Variants in RPH3A observed in about 807,000 individuals in gnomAD.
The protein encoded by RPH3A is rabphilin 3A, also known as rabphilin-3A.
A neutral mutation model predicts 102.2 loss-of-function variants in RPH3A; 48 were observed. That is an observed-to-expected ratio of 0.47 (90% CI 0.37 to 0.60). The LOEUF (loss-of-function observed/expected upper bound fraction) is 0.60. Among genes scored for constraint, RPH3A ranks in the 20% least tolerant of loss-of-function variants. RPH3A has a pLI of 0.00. For missense variants in RPH3A, 781 were observed against 910.1 expected, an observed-to-expected ratio of 0.86 and a Z score of 1.83; for synonymous variants, 310 against 324.3, an observed-to-expected ratio of 0.96 and a Z score of 0.47.
chr12:112,611,772 T>C (rs2039640744), intron 1 of RPH3A, among the ~76,000 whole-genome samples: 1 of 151,806 alleles, frequency 6.6e-6, no homozygotes, highest in Non-Finnish European at 1.5e-5. Flanking sequence ...TTTACTTCAA[T>C]ATTTAATTCT....
At chr12:112,575,825 A>G (rs375184918) in intron 1 of RPH3A, among the ~76,000 whole-genome samples, 2 of 152,012 alleles carry the variant, frequency 1.3e-5, no homozygotes, top group East Asian at 1.9e-4. Context: ...TCTGATTTTT[A>G]CCCGCATCCT....
intron 1 of RPH3A, among the ~76,000 whole-genome samples, chr12:112,616,233 G>T (rs970295507): frequency 6.6e-6 from 1 of 152,054 alleles, no homozygotes; most frequent in Non-Finnish European, 1.5e-5. Context: ...TGCAACCTCC[G>T]CCTCCCGGGT....
intron 1 of RPH3A, among the ~76,000 whole-genome samples, chr12:112,775,211 A>G (rs541143168): frequency 6.6e-6 from 1 of 152,340 alleles, no homozygotes; most frequent in South Asian, 2.1e-4. Context: ...CCCCAGAACT[A>G]AAAACAAAAA....
At chr12:112,793,714 A>G (rs1404450270) in intron 2 of RPH3A, among the ~76,000 whole-genome samples, 1 of 152,256 alleles carries the variant, frequency 6.6e-6, no homozygotes, top group Admixed American at 6.5e-5. Context: ...GTTCAAAAAA[A>G]GAACCACATA....
At chr12:112,672,964 C>A (rs1043626999) in intron 1 of RPH3A, among the ~76,000 whole-genome samples, 2 of 152,048 alleles carry the variant, frequency 1.3e-5, no homozygotes, top group African/African-American at 4.8e-5. Context: ...GAGTTAATAA[C>A]CAACTTACCT....
intron 1 of RPH3A, among the ~76,000 whole-genome samples, chr12:112,716,525 G>A (rs1424462672): frequency 1.3e-5 from 2 of 152,132 alleles, no homozygotes; most frequent in Admixed American, 6.5e-5. Context: ...TTCACGTATC[G>A]CTTCTGTCTC....
chr12:112,759,793 C>T (rs950421433), intron 1 of RPH3A, among the ~76,000 whole-genome samples: 1 of 152,186 alleles, frequency 6.6e-6, no homozygotes, highest in Non-Finnish European at 1.5e-5. Context: ...ACAGCCACCA[C>T]TACATCTCTT....
At chr12:112,858,017 C>T (rs1474073433) in intron 5 of RPH3A, among the ~76,000 whole-genome samples, 1 of 152,002 alleles carries the variant, frequency 6.6e-6, no homozygotes, top group East Asian at 1.9e-4. Flanking sequence ...ACCTGTAATC[C>T]CAGCACTTTG....
At chr12:112,577,870 GCT>G (rs1017591439) in intron 1 of RPH3A, among the ~76,000 whole-genome samples, 5 of 152,050 alleles carry the variant, frequency 3.3e-5, no homozygotes, top group African/African-American at 1.2e-4. Flanking sequence ...GGGAGCCGTG[GCT>G]CTGTCTTCCT....
chr12:112,824,523 G>A (rs962749537), intron 2 of RPH3A, among the ~76,000 whole-genome samples: 5 of 152,110 alleles, frequency 3.3e-5, no homozygotes, highest in African/African-American at 9.7e-5. Flanking sequence ...CAGATCTGCC[G>A]GTGGACACAT....
intron 5 of RPH3A, among the ~76,000 whole-genome samples, chr12:112,863,336 G>A (rs1442173806): frequency 2.6e-5 from 4 of 152,056 alleles, no homozygotes; most frequent in Admixed American, 2.6e-4. Flanking sequence ...TTGTTTTTTT[G>A]AGACAGAGTC....
chr12:112,809,357 C>G (rs1296063518), intron 2 of RPH3A, among the ~76,000 whole-genome samples: 1 of 152,032 alleles, frequency 6.6e-6, no homozygotes, highest in African/African-American at 2.4e-5. Flanking sequence ...TCTGGGGCCA[C>G]AAGAACCCTC....
chr12:112,677,422 CT>C (rs2136013578), intron 1 of RPH3A, among the ~76,000 whole-genome samples: 1 of 53,054 alleles, frequency 1.9e-5, no homozygotes, highest in Non-Finnish European at 4.1e-5. Flanking sequence ...TCCCTCCTTC[CT>C]TCCTTCCTTC....
intron 1 of RPH3A, among the ~76,000 whole-genome samples, chr12:112,608,262 C>T (rs922271202): frequency 2.0e-5 from 3 of 151,712 alleles, no homozygotes; most frequent in African/African-American, 7.3e-5. Context: ...ATTACAGGCA[C>T]CCGTCACCAC....
intron 1 of RPH3A, among the ~76,000 whole-genome samples, chr12:112,779,298 C>G (rs1280607008): frequency 1.3e-5 from 2 of 152,212 alleles, no homozygotes; most frequent in Admixed American, 6.5e-5. Flanking sequence ...GCCAAAGTCT[C>G]TGTCGGAGGA....
intron 11 of RPH3A, 77 bp from the exon 12 acceptor site, chr12:112,875,602 A>G: frequency 1.5e-6 from 2 of 1,310,192 alleles, no homozygotes; most frequent in South Asian, 2.4e-5. Context: ...CACCTGTGAA[A>G]TGAAAAGGAA....
At chr12:112,891,710 A>G (rs1464637838) in intron 19 of RPH3A, among the ~76,000 whole-genome samples, 1 of 152,214 alleles carries the variant, frequency 6.6e-6, no homozygotes, top group Non-Finnish European at 1.5e-5. Flanking sequence ...ACTGGCCATC[A>G]GACATGTCCT....
intron 1 of RPH3A, among the ~76,000 whole-genome samples, chr12:112,763,703 G>T (rs1310974846): frequency 6.6e-6 from 1 of 152,194 alleles, no homozygotes; most frequent in African/African-American, 2.4e-5. Context: ...CTTAATGTCT[G>T]TGTTGGTCAG....
chr12:112,735,933 A>G (rs1353639762), intron 1 of RPH3A, among the ~76,000 whole-genome samples: 1 of 152,108 alleles, frequency 6.6e-6, no homozygotes, highest in African/African-American at 2.4e-5. Flanking sequence ...CATTGTTCCC[A>G]TTGTTCCCTG....
Sources: gnomAD v4.1 joint callset for allele counts (sites outside exome capture counted in the v4.1 genomes callset) on GRCh38, gnomAD v4.1.1 for gene constraint, MANE v1.5 for transcripts, NCBI Gene and HGNC (gene_info 2026-07-23, HGNC 2026-07-21) for gene names.